Variants in DENND5A observed in about 807,000 individuals in gnomAD.
DENND5A encodes the protein DENN domain containing 5A, also known as DENN domain-containing protein 5A.
DENND5A carries 64 observed loss-of-function variants against 140.3 expected under a neutral mutation model. The observed-to-expected ratio is 0.46, with a 90% CI of 0.37 to 0.56. The LOEUF is 0.56. DENND5A is among the 20% of genes least tolerant of loss of function. The pLI is 0.00. For missense variants in DENND5A, 1,292 were observed against 1,593.8 expected (o/e 0.81, Z 3.22); for synonymous variants, 605 against 607.7 (o/e 1.00, Z 0.07).
chr11:9,250,538 A>G (rs945039129), intron 1 of DENND5A, among the ~76,000 whole-genome samples: 1 of 152,164 alleles, frequency 6.6e-6, no homozygotes, highest in Admixed American at 6.6e-5. Context: ...TATAATTTTA[A>G]AAAAACAAAC....
chr11:9,192,421 G>A (rs192142973), intron 5 of DENND5A, among the ~76,000 whole-genome samples: 1,602 of 152,214 alleles, frequency 0.011, 18 homozygotes, highest in Non-Finnish European at 0.014. Context: ...GAGGTCAGGC[G>A]TTCGAGACCA....
At chr11:9,239,741 C>A (rs1002474841) in intron 1 of DENND5A, among the ~76,000 whole-genome samples, 4 of 152,204 alleles carry the variant, frequency 2.6e-5, no homozygotes, top group African/African-American at 7.2e-5. Context: ...GGATTACAGG[C>A]ATGTGCTACC....
At chr11:9,162,847 G>A (rs1848034839) in intron 11 of DENND5A, among the ~76,000 whole-genome samples, 2 of 146,838 alleles carry the variant, frequency 1.4e-5, no homozygotes, top group African/African-American at 5.1e-5. Context: ...CTATAGGCAT[G>A]CATGTTTCTT....
intron 18 of DENND5A, among the ~76,000 whole-genome samples, 173 bp from the exon 19 acceptor site, chr11:9,144,451 G>T (rs1847353842): frequency 6.6e-6 from 1 of 152,172 alleles, no homozygotes; most frequent in Non-Finnish European, 1.5e-5. Flanking sequence ...AGTGGCATAG[G>T]TGGCCTGGGA....
intron 16 of DENND5A, chr11:9,146,819 G>C (rs560511698): frequency 1.9e-6 from 1 of 537,960 alleles, no homozygotes; most frequent in Admixed American, 3.3e-5. Flanking sequence ...AAAAAAGACT[G>C]AGCTCTCCAG....
At chr11:9,185,359 T>C (rs907339253) in intron 5 of DENND5A, among the ~76,000 whole-genome samples, 1 of 152,250 alleles carries the variant, frequency 6.6e-6, no homozygotes, top group Non-Finnish European at 1.5e-5. Context: ...TCTTAATCCA[T>C]CTGAAGTTGA....
chr11:9,142,964 T>C, intron 20 of DENND5A, 119 bp from the exon 21 acceptor site: 1 of 1,358,282 alleles, frequency 7.4e-7, no homozygotes, highest in East Asian at 2.4e-5. Flanking sequence ...GCTAGGACTT[T>C]GTCTGTTTCC....
At chr11:9,230,397 C>T (rs757593953) in intron 1 of DENND5A, among the ~76,000 whole-genome samples, 6 of 151,692 alleles carry the variant, frequency 4.0e-5, no homozygotes, top group African/African-American at 1.2e-4. Flanking sequence ...TGCTCCACCA[C>T]GCCAGGCTAA....
intron 1 of DENND5A, among the ~76,000 whole-genome samples, chr11:9,230,654 G>A (rs1318930806): frequency 3.9e-5 from 6 of 152,182 alleles, no homozygotes; most frequent in Admixed American, 1.3e-4. Flanking sequence ...AACACTAAGG[G>A]CATCTTTTCC....
intron 1 of DENND5A, among the ~76,000 whole-genome samples, chr11:9,212,787 C>A (rs1448222427): frequency 1.3e-5 from 2 of 152,116 alleles, no homozygotes; most frequent in Non-Finnish European, 2.9e-5. Context: ...AAAAGCCAAT[C>A]ACAACAGGTT....
At chr11:9,164,194 A>ATTTTTTTTTTTTTTTTT (rs779522112) in intron 11 of DENND5A, among the ~76,000 whole-genome samples, 3 of 79,062 alleles carry the variant, frequency 3.8e-5, no homozygotes, top group African/African-American at 9.7e-5. Context: ...ACCACGCCTA[A>ATTTTTTTTTTTTTTTTT]TTTTTTTTTT....
intron 5 of DENND5A, among the ~76,000 whole-genome samples, chr11:9,190,498 C>T (rs1309131823): frequency 6.6e-6 from 1 of 152,200 alleles, no homozygotes; most frequent in Non-Finnish European, 1.5e-5. Context: ...CACAAGCTCT[C>T]TCTTTGCCTG....
At chr11:9,147,251 T>C in intron 15 of DENND5A, 100 bp from the exon 16 acceptor site, 1 of 1,317,428 alleles carries the variant, frequency 7.6e-7, no homozygotes, top group Non-Finnish European at 1.1e-6. Context: ...AAGCATAAGA[T>C]GTCAAGCTTC....
At chr11:9,240,607 C>A (rs114347780) in intron 1 of DENND5A, among the ~76,000 whole-genome samples, 1 of 151,502 alleles carries the variant, frequency 6.6e-6, no homozygotes, top group Non-Finnish European at 1.5e-5. Context: ...CTACTCAGGA[C>A]GATGAGGTGG....
At chr11:9,243,241 G>C (rs1851322266) in intron 1 of DENND5A, among the ~76,000 whole-genome samples, 1 of 152,048 alleles carries the variant, frequency 6.6e-6, no homozygotes, top group Non-Finnish European at 1.5e-5. Flanking sequence ...TAGATGGGCA[G>C]ACTGACAATC....
chr11:9,260,697 A>G (rs1027962434), intron 1 of DENND5A, among the ~76,000 whole-genome samples: 3 of 152,234 alleles, frequency 2.0e-5, no homozygotes, highest in Non-Finnish European at 4.4e-5. Flanking sequence ...AATTCCTTGC[A>G]CAAAAAACAA....
intron 1 of DENND5A, among the ~76,000 whole-genome samples, chr11:9,240,435 C>A (rs573927512): frequency 6.6e-6 from 1 of 151,972 alleles, no homozygotes; most frequent in East Asian, 1.9e-4. Flanking sequence ...CCTGACTGGG[C>A]GCAGGGGCAC....
At chr11:9,204,413 T>G in intron 3 of DENND5A, 96 bp from the exon 4 acceptor site, 1 of 1,212,052 alleles carries the variant, frequency 8.3e-7, no homozygotes. Context: ...GAGCACCTAC[T>G]AAGCTGAGCG....
chr11:9,205,741 C>G (rs539008048), intron 3 of DENND5A, among the ~76,000 whole-genome samples: 1 of 152,114 alleles, frequency 6.6e-6, no homozygotes, highest in South Asian at 2.1e-4. Flanking sequence ...AAAAAAAAAT[C>G]CAAAAAGTAG....
Sources: allele counts gnomAD v4.1 joint callset (sites outside exome capture counted in the v4.1 genomes callset), GRCh38; gene constraint gnomAD v4.1.1; transcripts MANE v1.5; gene names NCBI Gene and HGNC (gene_info 2026-07-23, HGNC 2026-07-21).